MYCT1: variants seen among roughly 807,000 people sequenced by gnomAD.
MYCT1 encodes MYC target 1.
A neutral mutation model predicts 15.0 loss-of-function variants in MYCT1; 12 were observed. The observed-to-expected ratio is 0.80, with a 90% CI of 0.51 to 1.29. The LOEUF (loss-of-function observed/expected upper bound fraction) is 1.29, where lower values mean the gene tolerates loss of function less well. Ranked by LOEUF, MYCT1 falls within the 50% of genes most tolerant of loss-of-function variation. MYCT1 has a pLI of 0.00. For missense variants in MYCT1, 287 were observed against 279.1 expected, an observed-to-expected ratio of 1.03 and a Z score of -0.20; for synonymous variants, 104 against 102.7, an observed-to-expected ratio of 1.01 and a Z score of -0.07.
chr6:152,707,912 T>A (rs139778457), intron 1 of MYCT1, among the ~76,000 whole-genome samples: 217 of 152,212 alleles, frequency 1.4e-3, no homozygotes, highest in African/African-American at 5.1e-3. Context: ...CTTTGTAGTA[T>A]ATTTTAAAAT....
chr6:152,705,239 T>TA (rs749608446), intron 1 of MYCT1, among the ~76,000 whole-genome samples: 30 of 152,310 alleles, frequency 2.0e-4, no homozygotes, highest in Admixed American at 3.3e-4. Context: ...TCAGAACACT[T>TA]ACATTAGCCT....
chr6:152,717,174 GA>G (rs5880999), intron 1 of MYCT1, among the ~76,000 whole-genome samples: 34,265 of 150,670 alleles, frequency 0.23, 4,517 homozygotes, highest in South Asian at 0.37. Flanking sequence ...ATAATTAAAT[GA>G]AAAAAAAATG....
chr6:152,708,565 T>A (rs894974650), intron 1 of MYCT1, among the ~76,000 whole-genome samples: 1 of 152,040 alleles, frequency 6.6e-6, no homozygotes, highest in African/African-American at 2.4e-5. Flanking sequence ...TTTATTTATA[T>A]CCTGTCCCAA....
At chr6:152,703,927 A>T (rs1036073413) in intron 1 of MYCT1, among the ~76,000 whole-genome samples, 1 of 149,226 alleles carries the variant, frequency 6.7e-6, no homozygotes, top group Non-Finnish European at 1.5e-5. Flanking sequence ...TTTCTTGAAA[A>T]TATTTTCCCT....
Position 152,712,451 on chromosome 6 carries a change from G to A in MYCT1, c.197-9291G>A, listed in dbSNP as rs550303658. Among the ~76,000 whole-genome samples, 546 of 72,332 alleles carry A rather than the reference G, an allele frequency of 7.5e-3. 184 individuals are homozygous for A. Among genetic ancestry groups the A allele is most frequent in the African/African-American group, 0.019 (513 of 27,400 alleles). 47.5% of individuals were successfully genotyped at this position (72,332 alleles called of 152,430 possible). A position where few individuals can be genotyped will look rare whatever the true frequency, so the allele number is the denominator to read the frequency against. The stretch of plus-strand genomic sequence containing the variant: ...TCCTGGGAACTCCCTGACCCCTTGC[G>A]CTTCCCAGGTGAGGCAATGCCTCGC... On this transcript the variant is annotated intron_variant, in intron 1 of 1. Coordinates refer to ENST00000367245, the MANE Select transcript of MYCT1 (RefSeq NM_025107.3).
chr6:152,703,363 C>A (rs2099721663), intron 1 of MYCT1, among the ~76,000 whole-genome samples: 2 of 152,152 alleles, frequency 1.3e-5, no homozygotes, highest in Non-Finnish European at 2.9e-5. Flanking sequence ...TTATGCCATT[C>A]TCATTAGTTT....
chr6:152,724,785 GAC>G (rs2099725337), downstream of MYCT1, among the ~76,000 whole-genome samples: 1 of 151,884 alleles, frequency 6.6e-6, no homozygotes, highest in Admixed American at 6.6e-5. Context: ...AATAGACTGA[GAC>G]ACAAATCCTT....
rs1290876972 is a variant in MYCT1, at chr6:152,723,744, A to C, written c.*1491A>C. On this transcript the variant is annotated 3_prime_UTR_variant, in exon 2 of 2. Transcript: ENST00000367245. ...TGGCCACCAGAGAGTTCCAGTGGGC[A>C]GATGTCTGTGGCTGCCCTTCTCATT... The C allele has an allele frequency of 6.6e-6, 1 of 152,226 alleles. No homozygotes were observed. The highest frequency in any genetic ancestry group is 1.9e-4 in the East Asian group (1 of 5,196). The allele number at this position is 152,226 out of a possible 1,614,324, so 9.4% of individuals were successfully genotyped here. A position where few individuals can be genotyped will look rare whatever the true frequency, so the allele number is the denominator to read the frequency against.
At chr6:152,728,620 G>T (rs145039761), downstream of MYCT1, among the ~76,000 whole-genome samples, 670 of 152,278 alleles carry the variant, frequency 4.4e-3, 4 homozygotes, top group Admixed American at 0.011. Context: ...AAGAGGCAGG[G>T]CGTGGTGGCT....
intron 1 of MYCT1, among the ~76,000 whole-genome samples, chr6:152,718,909 T>G (rs1472976424): frequency 6.6e-6 from 1 of 152,154 alleles, no homozygotes; most frequent in African/African-American, 2.4e-5. Flanking sequence ...TTAGGTACAT[T>G]TACACATAGG....
At chr6:152,705,435 A>G (rs1343888669) in intron 1 of MYCT1, among the ~76,000 whole-genome samples, 1 of 152,078 alleles carries the variant, frequency 6.6e-6, no homozygotes, top group African/African-American at 2.4e-5. Context: ...AAATCTAACC[A>G]TGGTAAGTTA....
chr6:152,737,831 G>A, the MYCT1 span, among the ~76,000 whole-genome samples: 3 of 152,064 alleles, frequency 2.0e-5, no homozygotes, highest in Non-Finnish European at 4.4e-5. Context: ...TCTTCATTTA[G>A]TCAATGACTG....
intron 1 of MYCT1, among the ~76,000 whole-genome samples, chr6:152,718,436 T>C (rs1430298266): frequency 2.0e-5 from 3 of 152,194 alleles, no homozygotes; most frequent in East Asian, 3.9e-4. Context: ...TTTTACTTTT[T>C]GTAGAGACAG....
chr6:152,737,492 G>A, the MYCT1 span, among the ~76,000 whole-genome samples: 1 of 152,028 alleles, frequency 6.6e-6, no homozygotes, highest in East Asian at 1.9e-4. Context: ...TGGGATTCAA[G>A]CAAGGGCAGT....
chr6:152,718,304 A>G (rs2099724097), intron 1 of MYCT1, among the ~76,000 whole-genome samples: 1 of 152,212 alleles, frequency 6.6e-6, no homozygotes, highest in Admixed American at 6.5e-5. Context: ...TTCTTACATC[A>G]GAACAATAAT....
chr6:152,703,859 A>T (rs1300654397), intron 1 of MYCT1, among the ~76,000 whole-genome samples: 1 of 152,088 alleles, frequency 6.6e-6, no homozygotes, highest in Non-Finnish European at 1.5e-5. Context: ...AAATTTTTGC[A>T]TATAGTGTAG....
chr6:152,716,715 C>T (rs1401550876), intron 1 of MYCT1, among the ~76,000 whole-genome samples: 1 of 152,216 alleles, frequency 6.6e-6, no homozygotes, highest in East Asian at 1.9e-4. Flanking sequence ...TTGTTATGTG[C>T]CATCTACTTG....
chr6:152,703,013 T>C (rs2099721607), intron 1 of MYCT1, among the ~76,000 whole-genome samples: 1 of 152,202 alleles, frequency 6.6e-6, no homozygotes, highest in Non-Finnish European at 1.5e-5. Flanking sequence ...TCTAAATTCA[T>C]GAGAGAAAGT....
At chr6:152,731,570 T>G in the MYCT1 span, among the ~76,000 whole-genome samples, 1 of 152,116 alleles carries the variant, frequency 6.6e-6, no homozygotes, top group Admixed American at 6.6e-5. Flanking sequence ...TCACCCTGTG[T>G]CCAAGTGTTC....
Sources: gnomAD v4.1 joint callset for allele counts (sites outside exome capture counted in the v4.1 genomes callset) on GRCh38, gnomAD v4.1.1 for gene constraint, MANE v1.5 for transcripts, NCBI Gene and HGNC (gene_info 2026-07-23, HGNC 2026-07-21) for gene names.